Variants in BRF1 observed in about 807,000 individuals in gnomAD.
BRF1 encodes the protein BRF1 general transcription factor IIIB subunit, also known as transcription factor IIIB 90 kDa subunit.
In BRF1, 59 loss-of-function variants were observed where a neutral mutation model predicts 81.7. The observed-to-expected ratio is 0.72, with a 90% CI of 0.59 to 0.90. The LOEUF (loss-of-function observed/expected upper bound fraction) is 0.90. Among genes scored for constraint, BRF1 ranks in the 40% least tolerant of loss-of-function variants. The pLI is 0.00. For synonymous variants in BRF1, 491 were observed against 395.6 expected (o/e 1.24, Z -2.86); for missense variants, 1,050 against 936.3 (o/e 1.12, Z -1.58).
In BRF1 at chr14:105,217,755, C is replaced by T. The variant is rs1315588255; in HGVS notation, c.1561G>A (p.Ala521Thr). 3.7e-6 allele frequency: 6 copies of T among 1,613,198 alleles called. No homozygotes were observed. The highest frequency in any genetic ancestry group is 2.2e-5 in the East Asian group (1 of 44,896). Residue 521 changes from alanine to threonine, a missense_variant, in exon 15 of 18, where the codon GCC becomes ACC. Transcript: ENST00000547530. ...KRREPIQASTAREAIEKMLEQ... is the reference protein window; with the variant it reads ...KRREPIQASTTREAIEKMLEQ... ...AGCATCTTCTCGATGGCCTCCCTGG[C>T]GGTACTGGCCTGAATTGGCTCCCGT...
At chr14:105,314,942 C>T in intron 1 of BRF1, 2 of 1,158,736 alleles carry the variant, frequency 1.7e-6, no homozygotes, top group Non-Finnish European at 2.2e-6. Flanking sequence ...GCCGCCTCGG[C>T]CTCCCCGGCG....
chr14:105,217,894 G>A, intron 14 of BRF1, 94 bp from the exon 15 acceptor site: 3 of 1,544,196 alleles, frequency 1.9e-6, no homozygotes, highest in East Asian at 2.3e-5. Flanking sequence ...GCAGGCGGGT[G>A]AGGCCTGGCT....
chr14:105,256,714 C>G (rs45527637), intron 3 of BRF1, among the ~76,000 whole-genome samples, 165 bp from the exon 4 acceptor site: 5,413 of 152,256 alleles, frequency 0.036, 175 homozygotes, highest in African/African-American at 0.086. Context: ...GGAAGCGAGG[C>G]GCGGCACGCT....
intron 1 of BRF1, among the ~76,000 whole-genome samples, chr14:105,290,529 C>T (rs2057472244): frequency 1.3e-5 from 2 of 152,188 alleles, no homozygotes; most frequent in Admixed American, 6.5e-5. Flanking sequence ...GGGCTGCAGG[C>T]GTGCTTCTGA....
At chr14:105,257,091 G>C (rs587613050) in intron 3 of BRF1, among the ~76,000 whole-genome samples, 2 of 152,138 alleles carry the variant, frequency 1.3e-5, no homozygotes, top group African/African-American at 2.4e-5. Flanking sequence ...GGCTGCGCTC[G>C]AGAGACAGGT....
chr14:105,308,081 G>A (rs2058242584), intron 1 of BRF1, among the ~76,000 whole-genome samples: 2 of 152,150 alleles, frequency 1.3e-5, no homozygotes, highest in Admixed American at 1.3e-4. Context: ...TACTTGGGAG[G>A]CTGAGGCAGG....
intron 15 of BRF1, among the ~76,000 whole-genome samples, chr14:105,214,918 TG>T (rs1332187991): frequency 6.6e-6 from 1 of 152,158 alleles, no homozygotes; most frequent in Non-Finnish European, 1.5e-5. Flanking sequence ...CCCCATGGGC[TG>T]CAAGGGCAAC....
Position 105,253,875 on chromosome 14 carries a change from G to C in BRF1, c.472-1296C>G, listed in dbSNP as rs958608768. On this transcript the variant is annotated intron_variant, in intron 4 of 17. Transcript: ENST00000547530. ...TCCCTGGGGTCTGCTCACCAAACTG[G>C]GGGGCGTGTCAGCACATGTAGTGTG... Among the ~76,000 whole-genome samples the C allele has an allele frequency of 3.3e-5, 5 of 152,224 alleles. No individual in the cohort carries two copies. In the East Asian group the frequency reaches 7.7e-4, roughly 23 times the overall value.
At chr14:105,249,304 G>A (rs917888572) in intron 5 of BRF1, 14 of 1,585,322 alleles carry the variant, frequency 8.8e-6, no homozygotes, top group African/African-American at 1.3e-5. Context: ...TCCGCCGTGT[G>A]GCTGACACGC....
At chr14:105,252,310 A>G (rs2055660203) in intron 5 of BRF1, 197 bp downstream of exon 5, 3 of 947,458 alleles carry the variant, frequency 3.2e-6, no homozygotes, top group Admixed American at 6.2e-5. Flanking sequence ...ACTGCACTCC[A>G]GCCTGGACAA....
intron 5 of BRF1, chr14:105,247,800 G>C (rs920115019): frequency 8.3e-5 from 82 of 985,470 alleles, no homozygotes; most frequent in Non-Finnish European, 9.8e-5. Context: ...CGCGAGCTTG[G>C]CATGCACCAG....
chr14:105,211,347 A>C, intron 16 of BRF1, 54 bp from the exon 17 acceptor site: 105 of 1,459,928 alleles, frequency 7.2e-5, no homozygotes, highest in Non-Finnish European at 9.2e-5. Flanking sequence ...TGTGTATCTC[A>C]ACAGACCCCT....
intron 1 of BRF1, among the ~76,000 whole-genome samples, chr14:105,287,071 C>A (rs1427513920): frequency 6.6e-6 from 1 of 152,246 alleles, no homozygotes; most frequent in Non-Finnish European, 1.5e-5. Context: ...GGCCCCCACG[C>A]CTCAGTCCAC....
intron 6 of BRF1, 99 bp from the exon 7 acceptor site, chr14:105,229,012 G>T: frequency 9.2e-7 from 1 of 1,085,482 alleles, no homozygotes; most frequent in South Asian, 1.3e-5. Flanking sequence ...TCACGGAGAT[G>T]ATGGCCTGAG....
At chr14:105,226,384 T>C (rs1893096178) in intron 8 of BRF1, 94 bp from the exon 9 acceptor site, 4 of 1,552,702 alleles carry the variant, frequency 2.6e-6, no homozygotes, top group Non-Finnish European at 3.5e-6. Flanking sequence ...GACCACAGGC[T>C]GCTAGAACTT....
At chr14:105,255,698 T>G (rs2055833709) in intron 4 of BRF1, among the ~76,000 whole-genome samples, 1 of 152,202 alleles carries the variant, frequency 6.6e-6, no homozygotes, top group South Asian at 2.1e-4. Flanking sequence ...CAGGGGTCCC[T>G]GGGGTTGGTC....
intron 3 of BRF1, among the ~76,000 whole-genome samples, chr14:105,267,297 T>G (rs941785830): frequency 6.6e-6 from 1 of 151,438 alleles, no homozygotes; most frequent in Admixed American, 6.6e-5. Context: ...TTCGGAAGTC[T>G]GAAATGGCAA....
intron 3 of BRF1, among the ~76,000 whole-genome samples, chr14:105,263,026 G>A (rs1362763322): frequency 6.6e-6 from 1 of 151,966 alleles, no homozygotes; most frequent in Non-Finnish European, 1.5e-5. Context: ...AGATGACAAC[G>A]TCAAGAGTCC....
At chr14:105,270,450 C>T (rs1459204895) in intron 3 of BRF1, among the ~76,000 whole-genome samples, 1 of 151,672 alleles carries the variant, frequency 6.6e-6, no homozygotes, top group Non-Finnish European at 1.5e-5. Flanking sequence ...GCTGGGATTA[C>T]AGGCGTGAGC....
Sources: gnomAD v4.1 joint callset for allele counts (sites outside exome capture counted in the v4.1 genomes callset) on GRCh38, gnomAD v4.1.1 for gene constraint, MANE v1.5 for transcripts, NCBI Gene and HGNC (gene_info 2026-07-23, HGNC 2026-07-21) for gene names.